The following PRELID2 variants were observed in gnomAD, a reference collection of about 807,000 sequenced individuals.
The protein encoded by PRELID2 is PRELI domain containing 2, also known as PRELI domain-containing protein 2.
Under a neutral mutation model 28.4 loss-of-function variants are expected in PRELID2, and 25 were observed. That is an observed-to-expected ratio of 0.88 (90% confidence interval 0.64 to 1.23). The LOEUF (loss-of-function observed/expected upper bound fraction) is 1.23. Among genes scored for constraint, PRELID2 ranks in the 50% most tolerant of loss-of-function variants. The pLI, the probability that PRELID2 is intolerant of heterozygous loss-of-function variation, is 0.00. For synonymous variants in PRELID2, 76 were observed against 71.6 expected, an observed-to-expected ratio of 1.06 and a Z score of -0.31; for missense variants, 201 against 214.4, an observed-to-expected ratio of 0.94 and a Z score of 0.39.
the PRELID2 span, among the ~76,000 whole-genome samples, chr5:145,445,009 C>T: frequency 6.6e-6 from 1 of 152,016 alleles, no homozygotes; most frequent in Non-Finnish European, 1.5e-5. Flanking sequence ...TGACATTCTT[C>T]ACAGAAATAG....
intron 1 of PRELID2, among the ~76,000 whole-genome samples, chr5:145,613,250 A>G (rs1239452294): frequency 2.6e-5 from 4 of 151,416 alleles, no homozygotes; most frequent in Non-Finnish European, 4.4e-5. Flanking sequence ...GTATTTTTTC[A>G]TATGTTTGCT....
intron 1 of PRELID2, among the ~76,000 whole-genome samples, chr5:145,824,425 CGTGTGTGTGTGT>C (rs369429281): frequency 2.4e-4 from 23 of 96,254 alleles, no homozygotes; most frequent in East Asian, 1.2e-3. Context: ...CCACAGCAGG[CGTGTGTGTGTGT>C]GTGTGTGTGT....
chr5:145,463,480 A>G, the PRELID2 span, among the ~76,000 whole-genome samples: 1 of 151,886 alleles, frequency 6.6e-6, no homozygotes, highest in Non-Finnish European at 1.5e-5. Flanking sequence ...TATCTTTTGC[A>G]TAGTTTTCAG....
intron 1 of PRELID2, among the ~76,000 whole-genome samples, chr5:145,640,571 G>C (rs1166245664): frequency 2.0e-5 from 3 of 150,768 alleles, no homozygotes; most frequent in Non-Finnish European, 4.4e-5. Flanking sequence ...GTGAACCCGG[G>C]AGGCGGAGCT....
chr5:145,675,110 T>A (rs1440184832), intron 1 of PRELID2, among the ~76,000 whole-genome samples: 1 of 151,974 alleles, frequency 6.6e-6, no homozygotes, highest in Non-Finnish European at 1.5e-5. Context: ...CAGCAAAAAA[T>A]TCTTAATTTA....
chr5:145,304,364 A>T, the PRELID2 span, among the ~76,000 whole-genome samples: 1 of 152,174 alleles, frequency 6.6e-6, no homozygotes, highest in Admixed American at 6.5e-5. Flanking sequence ...GCAGCTAAAA[A>T]CAAAATTTAT....
intron 1 of PRELID2, among the ~76,000 whole-genome samples, chr5:145,717,732 T>C (rs1418791307): frequency 6.6e-6 from 1 of 151,306 alleles, no homozygotes; most frequent in African/African-American, 2.4e-5. Flanking sequence ...AAAATTATAA[T>C]AAAATATTAT....
chr5:145,833,563 G>A (rs1488054941), intron 1 of PRELID2, among the ~76,000 whole-genome samples: 1 of 152,182 alleles, frequency 6.6e-6, no homozygotes, highest in East Asian at 1.9e-4. Flanking sequence ...GTAGGTGCTA[G>A]GCACTAGTCT....
At chr5:145,467,244 C>T (rs368043263), downstream of PRELID2, among the ~76,000 whole-genome samples, 193 of 152,188 alleles carry the variant, frequency 1.3e-3, no homozygotes, top group African/African-American at 4.3e-3. Context: ...AGGGACAGAA[C>T]ACAACTCTAG....
At chr5:145,623,703 AG>A (rs1445139859) in intron 1 of PRELID2, among the ~76,000 whole-genome samples, 11 of 152,172 alleles carry the variant, frequency 7.2e-5, no homozygotes, top group Non-Finnish European at 1.6e-4. Flanking sequence ...TGGAAAGCAA[AG>A]GTTATTCAGT....
At chr5:145,432,173 G>C in the PRELID2 span, among the ~76,000 whole-genome samples, 1 of 152,168 alleles carries the variant, frequency 6.6e-6, no homozygotes, top group Middle Eastern at 3.4e-3. Context: ...CTTCTTATAT[G>C]ACATACACAT....
At chr5:145,542,289 T>C (rs777474927) in intron 1 of PRELID2, among the ~76,000 whole-genome samples, 2 of 152,106 alleles carry the variant, frequency 1.3e-5, no homozygotes, top group Admixed American at 6.6e-5. Context: ...ATGCTTCCAA[T>C]AGCAAATAGA....
chr5:145,248,992 C>A, the PRELID2 span, among the ~76,000 whole-genome samples: 1 of 152,080 alleles, frequency 6.6e-6, no homozygotes, highest in Non-Finnish European at 1.5e-5. Flanking sequence ...ACTTATATAA[C>A]CTCAATAAAT....
At chr5:145,752,293 A>C (rs952614738), downstream of PRELID2, among the ~76,000 whole-genome samples, 1 of 152,348 alleles carries the variant, frequency 6.6e-6, no homozygotes, top group African/African-American at 2.4e-5. Flanking sequence ...ACAAGTTACA[A>C]TGCTGGCTTC....
chr5:145,559,382 C>T (rs1412311891), intron 1 of PRELID2, among the ~76,000 whole-genome samples: 2 of 151,764 alleles, frequency 1.3e-5, no homozygotes, highest in East Asian at 1.9e-4. Context: ...AAGAAAAAGA[C>T]AGATATATGT....
rs567615600 is a variant in PRELID2, at chr5:145,511,117, T to C, written n.71-37802A>G. On this transcript the variant is annotated intron_variant and non_coding_transcript_variant, in intron 1 of 2. Transcript: ENST00000510259. ...AAGGGTAATGATGTCAATCTCTAAC[T>C]GCTGTCCTGAAATCCAGTTCAGTGA... is the stretch of plus-strand genomic sequence containing the variant. Among the ~76,000 whole-genome samples, 50 of 152,324 alleles carry C rather than the reference T, an allele frequency of 3.3e-4. No individual in the cohort carries two copies. In the South Asian group the frequency reaches 9.8e-3, roughly 30 times the overall value.
At chr5:145,449,217 C>T in the PRELID2 span, among the ~76,000 whole-genome samples, 2 of 152,186 alleles carry the variant, frequency 1.3e-5, no homozygotes, top group Non-Finnish European at 2.9e-5. Flanking sequence ...AGCACATGTT[C>T]ATTCTAATGA....
the PRELID2 span, among the ~76,000 whole-genome samples, chr5:145,303,293 A>G: frequency 1.4e-4 from 22 of 152,214 alleles, no homozygotes; most frequent in Non-Finnish European, 1.0e-4. Flanking sequence ...AGTGAAGTCA[A>G]TATGGCTACC....
the PRELID2 span, among the ~76,000 whole-genome samples, chr5:145,241,414 T>G: frequency 1.3e-5 from 2 of 152,020 alleles, no homozygotes; most frequent in Non-Finnish European, 2.9e-5. Context: ...ACCAACCACA[T>G]GCAACCATCA....
Sources: gnomAD v4.1 joint callset for allele counts (sites outside exome capture counted in the v4.1 genomes callset) on GRCh38, gnomAD v4.1.1 for gene constraint, MANE v1.5 for transcripts, NCBI Gene and HGNC (gene_info 2026-07-23, HGNC 2026-07-21) for gene names.